LSP1: variants seen among roughly 807,000 people sequenced by gnomAD.
The protein encoded by LSP1 is lymphocyte specific protein 1.
A neutral mutation model predicts 49.3 loss-of-function variants in LSP1; 32 were observed. The observed-to-expected ratio is 0.65, with a 90% confidence interval of 0.49 to 0.87. The LOEUF is 0.87. LSP1 is among the 40% of genes least tolerant of loss of function. The probability of loss-of-function intolerance (pLI) is 0.00; values close to 1 mark genes in which losing one functional copy is unlikely to be tolerated. For synonymous variants in LSP1, 179 were observed against 178.8 expected, an observed-to-expected ratio of 1.00 and a Z score of -0.01; for missense variants, 428 against 442.6, an observed-to-expected ratio of 0.97 and a Z score of 0.30.
intron 1 of LSP1, among the ~76,000 whole-genome samples, chr11:1,873,866 C>CGG (rs1848159570): frequency 5.0e-5 from 6 of 121,054 alleles, no homozygotes; most frequent in Non-Finnish European, 5.2e-5. Flanking sequence ...GGGAGGCTGG[C>CGG]AGAGGAGGGA....
At chr11:1,883,049 G>C (rs1041735966) in intron 3 of LSP1, among the ~76,000 whole-genome samples, 1 of 152,228 alleles carries the variant, frequency 6.6e-6, no homozygotes, top group South Asian at 2.1e-4. Flanking sequence ...CCAGCAGCCC[G>C]GCCTCGCGGG....
chr11:1,890,266 T>C (rs1042659227), intron 10 of LSP1: 25 of 712,692 alleles, frequency 3.5e-5, no homozygotes, highest in East Asian at 2.7e-4. Flanking sequence ...GCAGCCACCA[T>C]GCGGGGAGCC....
At chr11:1,870,919 C>A in intron 1 of LSP1, 1 of 985,812 alleles carries the variant, frequency 1.0e-6, no homozygotes, top group Non-Finnish European at 1.2e-6. Flanking sequence ...CGCCGCAGCG[C>A]TCCCGAGGGC....
At chr11:1,872,679 G>A (rs1363996753) in intron 1 of LSP1, among the ~76,000 whole-genome samples, 1 of 149,164 alleles carries the variant, frequency 6.7e-6, no homozygotes, top group Non-Finnish European at 1.5e-5. Flanking sequence ...TTGGGAGGGG[G>A]TGTGTGTGGC....
chr11:1,884,174 T>C lies in LSP1; in HGVS notation c.592-106T>C. On this transcript the variant is annotated intron_variant, in intron 5 of 10. Transcript: ENST00000311604. The surrounding 1 kb of genome is among the most constrained non-coding windows in gnomAD (Gnocchi z 4.1). ...TTGCCCGGTGCTCAGCGAACCCCCA[T>C]GATATAAGGGTTGGGGGTTGGATTA... The C allele has an allele frequency of 3.5e-6, 5 of 1,428,566 alleles. No homozygotes were observed. Among genetic ancestry groups the C allele is most frequent in the South Asian group, 2.3e-5 (2 of 87,130 alleles). 88.5% of individuals were successfully genotyped at this position (1,428,566 alleles called of 1,614,324 possible). A position where few individuals can be genotyped will look rare whatever the true frequency, so the allele number is the denominator to read the frequency against.
chr11:1,869,580 G>A (rs501124), intron 1 of LSP1: 377,020 of 462,296 alleles, frequency 0.82, 155,943 homozygotes, highest in East Asian at 0.92. Context: ...GGGAGGAGGG[G>A]TCTCTCCCAC....
intron 1 of LSP1, among the ~76,000 whole-genome samples, chr11:1,856,172 C>T (rs938687210): frequency 6.6e-6 from 1 of 152,232 alleles, no homozygotes; most frequent in African/African-American, 2.4e-5. Context: ...TCTCAGTCTG[C>T]CCCTGTGTAG....
intron 7 of LSP1, among the ~76,000 whole-genome samples, chr11:1,885,433 T>C (rs909515734): frequency 1.1e-4 from 17 of 152,024 alleles, no homozygotes; most frequent in African/African-American, 4.1e-4. Flanking sequence ...ATTCATTCAG[T>C]GCTCCTCCAT....
intron 1 of LSP1, among the ~76,000 whole-genome samples, chr11:1,874,831 T>C (rs1409404820): frequency 2.0e-5 from 3 of 151,944 alleles, no homozygotes; most frequent in Admixed American, 6.5e-5. Flanking sequence ...TGCTGCCCCA[T>C]GGTGAGGAAA....
intron 1 of LSP1, among the ~76,000 whole-genome samples, chr11:1,866,093 C>T (rs979992745): frequency 1.3e-5 from 2 of 152,264 alleles, no homozygotes; most frequent in Middle Eastern, 3.4e-3. Context: ...CAGAGATATC[C>T]CTCTGCACCG....
chr11:1,874,305 A>G (rs1848216704), intron 1 of LSP1, among the ~76,000 whole-genome samples: 1 of 55,348 alleles, frequency 1.8e-5, no homozygotes, highest in African/African-American at 8.1e-5. Context: ...AGTGTTGGGG[A>G]CAGTGAGGGC....
In LSP1 at chr11:1,884,219, A is replaced by T; in HGVS notation, c.592-61A>T. ...GGATTAGTGGTTGGAGTAGCTGGGG[A>T]GATGGAGGGTGGGCTTTACCTCGGC... On this transcript the variant is annotated intron_variant, in intron 5 of 10. Transcript: ENST00000311604. This position sits in a 1 kb window ranked among gnomAD's most constrained non-coding sequence, Gnocchi z 4.1. 1 of 1,585,410 alleles carries T rather than the reference A, an allele frequency of 6.3e-7. No individual in the cohort carries two copies. Among genetic ancestry groups the T allele is most frequent in the Non-Finnish European group, 8.7e-7 (1 of 1,154,096 alleles).
intron 1 of LSP1, chr11:1,864,188 G>C (rs1463777555): frequency 6.1e-6 from 6 of 986,622 alleles, no homozygotes; most frequent in Non-Finnish European, 7.2e-6. Context: ...GGGAAGGAGG[G>C]GACGGGACAA....
intron 2 of LSP1, among the ~76,000 whole-genome samples, chr11:1,880,519 G>A (rs895306849): frequency 3.9e-5 from 6 of 152,154 alleles, no homozygotes; most frequent in Admixed American, 6.5e-5. Context: ...CAGCCTGGCC[G>A]AGCCCCCCAC....
In LSP1 at chr11:1,884,133, G is replaced by C; in HGVS notation, c.591+109G>C. The C allele has an allele frequency of 6.9e-7, 1 of 1,442,154 alleles. No individual in the cohort carries two copies. The highest frequency in any genetic ancestry group is 1.7e-5 in the Admixed American group (1 of 57,322). 89.3% of individuals were successfully genotyped at this position (1,442,154 alleles called of 1,614,324 possible). ...AAGACCAGGCCCAGGCCTGGCTTTT[G>C]TCTGCTATCCCCCCATTGCCCGGTG... On this transcript the variant is annotated intron_variant, in intron 5 of 10. Transcript: ENST00000311604. This position sits in a 1 kb window ranked among gnomAD's most constrained non-coding sequence, Gnocchi z 4.1.
intron 1 of LSP1, among the ~76,000 whole-genome samples, chr11:1,873,021 A>G (rs1848110740): frequency 6.6e-6 from 1 of 151,854 alleles, no homozygotes; most frequent in Non-Finnish European, 1.5e-5. Flanking sequence ...TGGGTAAGGA[A>G]CCCAGAGGAA....
At position 1,880,308 on chromosome 11, in the gene LSP1, T is replaced by C. The variant is rs1848486390; in HGVS notation, c.191+84T>C. ...TGGGCAGAGGGGGAGGTCAAGGGCC[T>C]GGGCTTGGGGGTTCCAGTGCAGGAT... On this transcript the variant is annotated intron_variant, in intron 2 of 10. Coordinates refer to ENST00000311604, the MANE Select transcript of LSP1 (RefSeq NM_002339.3). The C allele has an allele frequency of 7.8e-6, 11 of 1,410,824 alleles. No individual in the cohort carries two copies. In the South Asian group the frequency reaches 1.7e-4, roughly 22 times the overall value. 87.4% of individuals were successfully genotyped at this position (1,410,824 alleles called of 1,614,324 possible).
intron 4 of LSP1, 97 bp downstream of exon 4, chr11:1,883,657 C>A: frequency 6.9e-7 from 1 of 1,456,860 alleles, no homozygotes; most frequent in Non-Finnish European, 9.2e-7. Context: ...GTGGGTCTAG[C>A]CCAGAGTGGG....
At chr11:1,855,657 G>C (rs552155988) in intron 1 of LSP1, among the ~76,000 whole-genome samples, 7 of 152,328 alleles carry the variant, frequency 4.6e-5, no homozygotes, top group African/African-American at 1.4e-4. Flanking sequence ...GCTCCGCTTC[G>C]GCTACCAGCC....
Sources: gnomAD v4.1 joint callset for allele counts (sites outside exome capture counted in the v4.1 genomes callset) on GRCh38, gnomAD v4.1.1 for gene constraint, Gnocchi (gnomAD v3.1) non-coding constraint, MANE v1.5 for transcripts, NCBI Gene and HGNC (gene_info 2026-07-23, HGNC 2026-07-21) for gene names.